UGT1A7: variants seen among roughly 807,000 people sequenced by gnomAD.
UGT1A7 encodes the protein UDP-glucuronosyltransferase 1A7.
A neutral mutation model predicts 45.6 loss-of-function variants in UGT1A7; 33 were observed. The ratio of observed to expected loss-of-function variants is 0.72; its 90% confidence interval spans 0.55 to 0.97. The LOEUF (loss-of-function observed/expected upper bound fraction) is 0.97. Ranked by LOEUF, UGT1A7 falls within the 50% of genes least tolerant of loss-of-function variation. UGT1A7 has a pLI of 0.00. For missense variants in UGT1A7, 684 were observed against 666.2 expected (o/e 1.03, Z -0.29); for synonymous variants, 274 against 250.6 (o/e 1.09, Z -0.88).
intron 1 of UGT1A7, among the ~76,000 whole-genome samples, chr2:233,746,093 C>A (rs887469557): frequency 1.5e-4 from 23 of 151,770 alleles, no homozygotes; most frequent in African/African-American, 5.1e-4. Flanking sequence ...TATACAGAAA[C>A]ATGTCCAGAG....
chr2:233,768,157 G>GGTGTGTCC lies in UGT1A7; in HGVS notation c.1076-63_1076-62insGTGTGTCC, dbSNP rs1279074414. 1.9e-6 allele frequency: 3 copies of GGTGTGTCC among 1,612,962 alleles called. No homozygotes were observed. The African/African-American group carries it at 4.0e-5, about 22-fold the overall frequency. On this transcript the variant is annotated intron_variant, in intron 3 of 4. Transcript: ENST00000373426. ...GTCTTTGGAGTGTTTTCAGAACCTA[G>GGTGTGTCC]ATGTGTCCAGCTGTGAAACTCAGAG...
At position 233,682,499 on chromosome 2, in the gene UGT1A7, T is replaced by G; in HGVS notation, c.562T>G (p.Ser188Ala). 1 of 1,613,946 alleles carries G rather than the reference T, an allele frequency of 6.2e-7. No individual in the cohort carries two copies. Among genetic ancestry groups the G allele is most frequent in the Non-Finnish European group, 8.5e-7 (1 of 1,179,850 alleles). The change falls in exon 1 of 5, where the codon TCC becomes GCC. Residue 188 changes from serine (S) to alanine (A), a missense_variant. Ser to Ala is a moderately conservative substitution (Grantham distance 99, BLOSUM62 1). Transcript: ENST00000373426. Reference sequence around the variant, plus strand: ...AGGTGCACAGTGCCCTGCTCCTCTTTCCTATGTCCCCAGACTTCTCTTAGG... The same window carrying G: ...AGGTGCACAGTGCCCTGCTCCTCTTGCCTATGTCCCCAGACTTCTCTTAGG... Reference protein sequence around the residue: ...EEGAQCPAPLSYVPRLLLGFS... With the variant: ...EEGAQCPAPLAYVPRLLLGFS...
intron 1 of UGT1A7, chr2:233,708,512 G>A (rs1388620371): frequency 6.6e-6 from 1 of 152,176 alleles, no homozygotes; most frequent in African/African-American, 2.4e-5. Flanking sequence ...AGCACTTTGC[G>A]GGGCCGAAGC....
At chr2:233,747,652 A>G in intron 1 of UGT1A7, 1 of 1,589,470 alleles carries the variant, frequency 6.3e-7, no homozygotes, top group East Asian at 2.2e-5. Flanking sequence ...ACTTCCTTCG[A>G]TGTGGTTTTA....
chr2:233,708,719 T>C (rs62191898), intron 1 of UGT1A7: 22,793 of 151,908 alleles, frequency 0.15, 2,024 homozygotes, highest in South Asian at 0.24. Flanking sequence ...TCATTGCACC[T>C]CAGCCTGGGC....
intron 1 of UGT1A7, chr2:233,690,716 G>C (rs1177258267): frequency 1.3e-5 from 16 of 1,217,412 alleles, no homozygotes; most frequent in Non-Finnish European, 1.7e-5. Context: ...TCATTATGAC[G>C]AACAGACATG....
rs12471326 is a variant in UGT1A7 at position 233,767,812 on chromosome 2, T to C, written c.988-37T>C. ...AGATTTGTTTTCTAATCATATTATGTTCTTTCTTTACGTTCTGCTCTTTTT... is the reference window on the plus strand; with the variant it reads ...AGATTTGTTTTCTAATCATATTATGCTCTTTCTTTACGTTCTGCTCTTTTT... On this transcript the variant is annotated intron_variant, in intron 2 of 4. Transcript: ENST00000373426. The C allele has an allele frequency of 0.03, 48,630 of 1,614,140 alleles. 974 individuals are homozygous for C. The highest frequency in any genetic ancestry group is 0.09 in the Admixed American group (5,377 of 60,016).
At chr2:233,772,049 G>A (rs371064452) in intron 4 of UGT1A7, among the ~76,000 whole-genome samples, 4 of 152,178 alleles carry the variant, frequency 2.6e-5, no homozygotes, top group African/African-American at 9.7e-5. Context: ...GGAGTTGGAG[G>A]CTGCAGTTAG....
rs573640732 is a variant in UGT1A7, at chr2:233,742,006, C to A, written c.856-25028C>A. On this transcript the variant is annotated intron_variant, in intron 1 of 4. Coordinates refer to ENST00000373426, the MANE Select transcript of UGT1A7 (RefSeq NM_019077.3). The stretch of plus-strand genomic sequence containing the variant: ...CAAAAAATATTACAGATACACTTGG[C>A]TTTCATCAACCTAATTTGATATGTC... 5 of 152,014 alleles carry A rather than the reference C, an allele frequency of 3.3e-5. No individual in the cohort carries two copies. The South Asian group carries it at 8.3e-4, about 25-fold the overall frequency. 9.4% of individuals were successfully genotyped at this position (152,014 alleles called of 1,614,324 possible).
intron 1 of UGT1A7, among the ~76,000 whole-genome samples, chr2:233,696,280 G>A (rs1402810129): frequency 1.3e-5 from 2 of 152,172 alleles, no homozygotes; most frequent in East Asian, 1.9e-4. Flanking sequence ...TAAAGAAAAC[G>A]TAGGACTGTA....
Position 233,730,003 on chromosome 2 carries a change from G to C in UGT1A7, c.856-37031G>C, listed in dbSNP as rs2077967778. The C allele has an allele frequency of 2.5e-6, 4 of 1,613,818 alleles. No individual in the cohort carries two copies. The South Asian group carries it at 3.3e-5, about 13-fold the overall frequency. On this transcript the variant is annotated intron_variant, in intron 1 of 4. Coordinates refer to ENST00000373426, the MANE Select transcript of UGT1A7 (RefSeq NM_019077.3). ...GAAGCCACTATCTCAGGTCTGTATT[G>C]GTGCCTTCATCCAATCAATGTTCCA... is the stretch of plus-strand genomic sequence containing the variant.
chr2:233,712,229 A>G (rs939024540), intron 1 of UGT1A7, among the ~76,000 whole-genome samples: 2 of 152,174 alleles, frequency 1.3e-5, no homozygotes, highest in African/African-American at 4.8e-5. Context: ...TGAACCCACC[A>G]TGGGTCTTTG....
At chr2:233,701,272 C>G (rs2075620073) in intron 1 of UGT1A7, among the ~76,000 whole-genome samples, 2 of 152,054 alleles carry the variant, frequency 1.3e-5, no homozygotes, top group Admixed American at 1.3e-4. Flanking sequence ...ATTTCTAGTT[C>G]TAGATCCTTG....
chr2:233,725,676 T>G (rs889497108), intron 1 of UGT1A7, among the ~76,000 whole-genome samples: 6 of 152,226 alleles, frequency 3.9e-5, no homozygotes, highest in African/African-American at 9.6e-5. Flanking sequence ...TAGTCACATT[T>G]CAAGTGCTCA....
At chr2:233,763,105 T>C (rs1443643010) in intron 1 of UGT1A7, among the ~76,000 whole-genome samples, 1 of 152,254 alleles carries the variant, frequency 6.6e-6, no homozygotes, top group Non-Finnish European at 1.5e-5. Context: ...GGCACCGAAC[T>C]TTATCAGCTG....
chr2:233,754,888 TC>T (rs1267337682), intron 1 of UGT1A7: 34 of 1,351,412 alleles, frequency 2.5e-5, no homozygotes, highest in Non-Finnish European at 3.4e-5. Flanking sequence ...CCCAGGGAGT[TC>T]CTCTGACCCC....
At chr2:233,728,657 C>A (rs541048622) in intron 1 of UGT1A7, among the ~76,000 whole-genome samples, 28 of 152,298 alleles carry the variant, frequency 1.8e-4, no homozygotes, top group African/African-American at 6.5e-4. Flanking sequence ...TTTGGATGCG[C>A]TGCGTTACTC....
At chr2:233,718,119 C>T (rs2076631088) in intron 1 of UGT1A7, 1 of 304,720 alleles carries the variant, frequency 3.3e-6, no homozygotes, top group Non-Finnish European at 6.6e-6. Context: ...CCTCTTATTC[C>T]ATGGTGTAGA....
intron 1 of UGT1A7, among the ~76,000 whole-genome samples, chr2:233,746,557 T>G (rs1301694420): frequency 6.6e-6 from 1 of 151,810 alleles, no homozygotes; most frequent in Non-Finnish European, 1.5e-5. Flanking sequence ...TCTTAGCCCC[T>G]AGAGCACCAC....
Sources: allele counts gnomAD v4.1 joint callset (sites outside exome capture counted in the v4.1 genomes callset), GRCh38; gene constraint gnomAD v4.1.1; transcripts MANE v1.5; gene names NCBI Gene and HGNC (gene_info 2026-07-23, HGNC 2026-07-21).